TRAPPC9: variants seen among roughly 807,000 people sequenced by gnomAD.
TRAPPC9 encodes the protein trafficking protein particle complex subunit 9.
Under a neutral mutation model 124.0 loss-of-function variants are expected in TRAPPC9, and 83 were observed. The observed-to-expected ratio is 0.67, with a 90% CI of 0.56 to 0.80. The LOEUF (loss-of-function observed/expected upper bound fraction) is 0.80. Among genes scored for constraint, TRAPPC9 ranks in the 30% least tolerant of loss-of-function variants. The pLI is 0.00. For synonymous variants in TRAPPC9, 638 were observed against 617.5 expected, an observed-to-expected ratio of 1.03 and a Z score of -0.49; for missense variants, 1,302 against 1,508.3, an observed-to-expected ratio of 0.86 and a Z score of 2.27.
chr8:139,928,258 G>A (rs1832924118), intron 19 of TRAPPC9, among the ~76,000 whole-genome samples: 1 of 152,204 alleles, frequency 6.6e-6, no homozygotes, highest in African/African-American at 2.4e-5. Flanking sequence ...TTGGGAAGCT[G>A]AGGCAGGTGA....
intron 18 of TRAPPC9, among the ~76,000 whole-genome samples, chr8:140,011,053 T>G (rs1185353764): frequency 6.6e-6 from 1 of 152,090 alleles, no homozygotes; most frequent in Non-Finnish European, 1.5e-5. Context: ...AAAATAATGG[T>G]AACAGGCAGG....
intron 17 of TRAPPC9, among the ~76,000 whole-genome samples, chr8:140,140,349 G>A (rs562706628): frequency 3.9e-5 from 6 of 152,190 alleles, no homozygotes; most frequent in South Asian, 2.1e-4. Flanking sequence ...CATGTCCTCC[G>A]ATTAAGTGAG....
chr8:139,923,891 A>C (rs571431313), intron 19 of TRAPPC9, among the ~76,000 whole-genome samples: 31 of 152,338 alleles, frequency 2.0e-4, no homozygotes, highest in African/African-American at 7.5e-4. Flanking sequence ...TAAAAATGCT[A>C]TTATATCTAA....
At chr8:139,994,330 G>T (rs986672820) in intron 18 of TRAPPC9, among the ~76,000 whole-genome samples, 4 of 152,226 alleles carry the variant, frequency 2.6e-5, no homozygotes, top group Admixed American at 1.3e-4. Context: ...CACACTGTGC[G>T]CCTGAGGCAC....
intron 12 of TRAPPC9, 67 bp from the exon 13 acceptor site, chr8:140,287,801 G>C: frequency 3.1e-6 from 5 of 1,608,162 alleles, no homozygotes; most frequent in Non-Finnish European, 4.2e-6. Flanking sequence ...TTCCAAATGA[G>C]CCTTAAGACA....
chr8:139,986,890 C>T (rs1219690246), intron 19 of TRAPPC9, among the ~76,000 whole-genome samples: 1 of 152,196 alleles, frequency 6.6e-6, no homozygotes, highest in Admixed American at 6.5e-5. Flanking sequence ...CCAGAAGGAA[C>T]CAATGTTCTG....
intron 5 of TRAPPC9, 74 bp downstream of exon 5, chr8:140,426,541 C>T: frequency 2.2e-6 from 3 of 1,374,008 alleles, no homozygotes; most frequent in East Asian, 4.6e-5. Flanking sequence ...GAAATTTTAA[C>T]CATTCATTCA....
intron 15 of TRAPPC9, among the ~76,000 whole-genome samples, chr8:140,255,867 C>T (rs934527449): frequency 6.6e-6 from 1 of 152,178 alleles, no homozygotes; most frequent in East Asian, 1.9e-4. Flanking sequence ...GCCTGGGCAA[C>T]AAAGCGAGAC....
chr8:140,009,691 C>G lies in TRAPPC9; in HGVS notation c.2699+14246G>C, dbSNP rs186397079. 2.0e-3 allele frequency among the ~76,000 whole-genome samples: 312 copies of G among 152,368 alleles called. 2 individuals carry two copies. Among genetic ancestry groups the G allele is most frequent in the African/African-American group, 7.3e-3 (305 of 41,592 alleles). ...CTGCGGCAGGACTGACATCCACTCC[C>G]GCCCGTGGCGCAACAGCACATTCTC... On this transcript the variant is annotated intron_variant, in intron 18 of 22. Coordinates refer to ENST00000438773, the MANE Select transcript of TRAPPC9 (RefSeq NM_001160372.4).
At chr8:139,801,496 G>A (rs1823526124) in intron 21 of TRAPPC9, among the ~76,000 whole-genome samples, 1 of 152,188 alleles carries the variant, frequency 6.6e-6, no homozygotes, top group African/African-American at 2.4e-5. Context: ...ATGGTGGCTG[G>A]AGCTCCTGCC....
intron 19 of TRAPPC9, among the ~76,000 whole-genome samples, chr8:139,926,619 A>AAC (rs1228333289): frequency 2.7e-4 from 41 of 151,640 alleles, no homozygotes; most frequent in Non-Finnish European, 4.3e-4. Flanking sequence ...AAAAAAAAAA[A>AAC]AAAACTCCTG....
intron 17 of TRAPPC9, among the ~76,000 whole-genome samples, chr8:140,060,859 T>TA (rs1365914407): frequency 6.6e-6 from 1 of 152,240 alleles, no homozygotes; most frequent in East Asian, 1.9e-4. Context: ...AGTGTGCTCT[T>TA]AGAGATCTTA....
In TRAPPC9 at chr8:139,910,785, C is replaced by T. The variant is rs977418120; in HGVS notation, c.2811-485G>A. Among the ~76,000 whole-genome samples, 3 of 22,462 alleles carry T rather than the reference C, an allele frequency of 1.3e-4. No homozygotes were observed. The East Asian group carries it at 4.9e-3, about 37-fold the overall frequency. The allele number at this position is 22,462 out of a possible 152,430, so 14.7% of individuals were successfully genotyped here. A position where few individuals can be genotyped will look rare whatever the true frequency, so the allele number is the denominator to read the frequency against. On this transcript the variant is annotated intron_variant, in intron 19 of 22. Transcript: ENST00000438773. ...CCAGGTGGGCGTGCCCCTCCCACAGCCCCCCCTCAGCTCTCATTTGGAACG... is the reference window on the plus strand; with the variant it reads ...CCAGGTGGGCGTGCCCCTCCCACAGTCCCCCCTCAGCTCTCATTTGGAACG...
intron 18 of TRAPPC9, among the ~76,000 whole-genome samples, chr8:140,006,310 GA>G (rs1838744797): frequency 6.6e-6 from 1 of 152,084 alleles, no homozygotes; most frequent in Non-Finnish European, 1.5e-5. Flanking sequence ...TCCCTTAAGA[GA>G]AACAATTTGG....
intron 18 of TRAPPC9, among the ~76,000 whole-genome samples, chr8:140,011,875 A>G (rs1275028407): frequency 6.6e-6 from 1 of 151,558 alleles, no homozygotes; most frequent in Non-Finnish European, 1.5e-5. Flanking sequence ...ACAGGGTTTC[A>G]CCATGTTGGC....
chr8:140,206,635 G>A (rs568346308), intron 17 of TRAPPC9, among the ~76,000 whole-genome samples: 5 of 151,962 alleles, frequency 3.3e-5, no homozygotes, highest in East Asian at 1.9e-4. Context: ...CTTTAAAGTG[G>A]CATTCAGGAT....
At chr8:140,429,168 G>A (rs531494685) in intron 4 of TRAPPC9, among the ~76,000 whole-genome samples, 39 of 150,266 alleles carry the variant, frequency 2.6e-4, no homozygotes, top group Non-Finnish European at 3.7e-4. Flanking sequence ...TGCAACCTCC[G>A]CTTCCCGGGT....
chr8:140,249,904 G>A (rs2064091185), intron 16 of TRAPPC9, among the ~76,000 whole-genome samples: 1 of 151,998 alleles, frequency 6.6e-6, no homozygotes, highest in African/African-American at 2.4e-5. Flanking sequence ...CACCGTGCCT[G>A]GCCTGATCTT....
chr8:140,328,023 G>A (rs977421256), intron 9 of TRAPPC9, among the ~76,000 whole-genome samples: 12 of 152,188 alleles, frequency 7.9e-5, no homozygotes, highest in Admixed American at 2.0e-4. Flanking sequence ...GGGAGGCTAA[G>A]GCAGGTGCAT....
Sources: allele counts gnomAD v4.1 joint callset (sites outside exome capture counted in the v4.1 genomes callset), GRCh38; gene constraint gnomAD v4.1.1; transcripts MANE v1.5; gene names NCBI Gene and HGNC (gene_info 2026-07-23, HGNC 2026-07-21).